The following ACOT1 variants were observed in gnomAD, a reference collection of about 807,000 sequenced individuals.
ACOT1 encodes the protein acyl-CoA thioesterase 1.
Under a neutral mutation model 15.7 loss-of-function variants are expected in ACOT1, and 8 were observed. The ratio of observed to expected loss-of-function variants is 0.51; its 90% CI spans 0.30 to 0.92. The LOEUF is 0.92. Among genes scored for constraint, ACOT1 ranks in the 40% least tolerant of loss-of-function variants. The probability of loss-of-function intolerance (pLI) is 0.06; values close to 1 mark genes in which losing one functional copy is unlikely to be tolerated. For synonymous variants in ACOT1, 67 were observed against 241.2 expected (o/e 0.28, Z 6.69); for missense variants, 151 against 539.4 (o/e 0.28, Z 7.13).
chr14:73,519,562 T>G, the ACOT1 span, among the ~76,000 whole-genome samples: 1 of 151,670 alleles, frequency 6.6e-6, no homozygotes, highest in African/African-American at 2.4e-5. Flanking sequence ...TGGGCAACAC[T>G]GTAAGACCCC....
the ACOT1 span, among the ~76,000 whole-genome samples, chr14:73,508,603 G>A: frequency 3.3e-5 from 5 of 151,862 alleles, no homozygotes; most frequent in Non-Finnish European, 7.4e-5. Context: ...ACAAAAATCA[G>A]CCAGGCGTGG....
the ACOT1 span, among the ~76,000 whole-genome samples, chr14:73,525,234 A>G: frequency 6.6e-6 from 1 of 151,912 alleles, no homozygotes; most frequent in African/African-American, 2.4e-5. Flanking sequence ...GGGTCTCACT[A>G]TGTTGCCCAG....
the ACOT1 span, chr14:73,520,937 G>A: frequency 6.2e-7 from 1 of 1,614,012 alleles, no homozygotes. Flanking sequence ...AGTAGCTCTG[G>A]GTTTGGGGCT....
the ACOT1 span, among the ~76,000 whole-genome samples, chr14:73,501,418 C>T: frequency 1.3e-5 from 2 of 151,770 alleles, no homozygotes; most frequent in Admixed American, 6.6e-5. Context: ...AGCCACCGCG[C>T]CCGGCCTTAA....
chr14:73,511,560 T>TAAATAAATAAATAAATAAATA, the ACOT1 span, among the ~76,000 whole-genome samples: 1 of 88,966 alleles, frequency 1.1e-5, no homozygotes, highest in Non-Finnish European at 2.5e-5. Context: ...AATAAATAAA[T>TAAATAAATAAATAAATAAATA]AAATAAAATA....
At chr14:73,503,916 T>A in the ACOT1 span, among the ~76,000 whole-genome samples, 1 of 152,146 alleles carries the variant, frequency 6.6e-6, no homozygotes, top group African/African-American at 2.4e-5. Context: ...CATCTTTACC[T>A]CAACCCCTGC....
the ACOT1 span, chr14:73,531,117 A>C: frequency 8.9e-6 from 1 of 111,966 alleles, no homozygotes; most frequent in Non-Finnish European, 1.9e-5. Context: ...CACCTTTCAG[A>C]TACTGGCAAA....
chr14:73,512,152 G>C, the ACOT1 span: 5 of 1,614,038 alleles, frequency 3.1e-6, no homozygotes, highest in Admixed American at 8.3e-5. Flanking sequence ...CTCTATGACT[G>C]AGCCGCAGTG....
At chr14:73,526,911 C>T in the ACOT1 span, among the ~76,000 whole-genome samples, 1 of 151,850 alleles carries the variant, frequency 6.6e-6, no homozygotes, top group Admixed American at 6.6e-5. Flanking sequence ...TGTCACCCTT[C>T]CCCCCAACTC....
At chr14:73,514,825 T>C in the ACOT1 span, among the ~76,000 whole-genome samples, 7 of 152,220 alleles carry the variant, frequency 4.6e-5, no homozygotes, top group Non-Finnish European at 8.8e-5. Flanking sequence ...TCCCAGTACT[T>C]TGGGAGGCCG....
the ACOT1 span, chr14:73,496,584 A>G: frequency 1.2e-3 from 1,890 of 1,539,484 alleles, 17 homozygotes; most frequent in African/African-American, 0.016. Context: ...TTGAGAACAG[A>G]GCTTGCACTT....
At chr14:73,500,699 G>A in the ACOT1 span, 14 of 1,613,824 alleles carry the variant, frequency 8.7e-6, no homozygotes, top group South Asian at 2.2e-5. Flanking sequence ...GCTTCCACAC[G>A]CTCCTGGGAA....
chr14:73,528,866 T>C, the ACOT1 span: 4 of 152,154 alleles, frequency 2.6e-5, no homozygotes, highest in African/African-American at 9.7e-5. Flanking sequence ...GGCTATGGGG[T>C]ACTCAGCAAT....
At chr14:73,499,733 T>A in the ACOT1 span, among the ~76,000 whole-genome samples, 1 of 152,140 alleles carries the variant, frequency 6.6e-6, no homozygotes, top group Non-Finnish European at 1.5e-5. Flanking sequence ...ATAATGGAAT[T>A]ATAACTCCAT....
the ACOT1 span, chr14:73,491,381 C>G: frequency 7.4e-7 from 1 of 1,354,852 alleles, no homozygotes; most frequent in Non-Finnish European, 9.4e-7. Flanking sequence ...GTCGGCGCGC[C>G]TGGTGCCCGC....
chr14:73,526,676 G>T, the ACOT1 span, among the ~76,000 whole-genome samples: 1 of 152,188 alleles, frequency 6.6e-6, no homozygotes, highest in Non-Finnish European at 1.5e-5. Context: ...TACATTTCCA[G>T]ACCTACCCTG....
chr14:73,534,775 T>G (rs1238502891), upstream of ACOT1, among the ~76,000 whole-genome samples: 4 of 112,548 alleles, frequency 3.6e-5, 1 homozygote, highest in Non-Finnish European at 5.8e-5. Flanking sequence ...TAGATGTGTG[T>G]TTTTTTTAAT....
chr14:73,527,798 C>A, the ACOT1 span, among the ~76,000 whole-genome samples: 3 of 151,368 alleles, frequency 2.0e-5, no homozygotes, highest in African/African-American at 7.3e-5. Flanking sequence ...GCCAACATGG[C>A]GAAACCCCAT....
chr14:73,531,954 C>G, the ACOT1 span, among the ~76,000 whole-genome samples: 1 of 114,608 alleles, frequency 8.7e-6, no homozygotes, highest in South Asian at 2.8e-4. Context: ...ATCGCCTGGA[C>G]CCAGGAAGCA....
Sources: gnomAD v4.1 joint callset for allele counts (sites outside exome capture counted in the v4.1 genomes callset) on GRCh38, gnomAD v4.1.1 for gene constraint, MANE v1.5 for transcripts, NCBI Gene and HGNC (gene_info 2026-07-23, HGNC 2026-07-21) for gene names.